NFIB: variants seen among roughly 807,000 people sequenced by gnomAD.
NFIB encodes the protein nuclear factor I B.
In NFIB, 11 loss-of-function variants were observed where a neutral mutation model predicts 61.5. That is an observed-to-expected ratio of 0.18 (90% CI 0.11 to 0.30). The LOEUF is 0.30. NFIB is among the 10% of genes least tolerant of loss of function. NFIB has a pLI of 1.00. For synonymous variants in NFIB, 260 were observed against 216.5 expected (o/e 1.20, Z -1.76); for missense variants, 471 against 608.9 (o/e 0.77, Z 2.38).
chr9:14,479,580 T>G, the NFIB span, among the ~76,000 whole-genome samples: 18 of 152,294 alleles, frequency 1.2e-4, no homozygotes, highest in South Asian at 1.5e-3. Flanking sequence ...CTGAGTACTA[T>G]TTGGGGAATG....
chr9:14,313,867 G>A lies in NFIB; in HGVS notation c.-356C>T. 1.8e-6 allele frequency: 2 copies of A among 1,134,476 alleles called. No individual in the cohort carries two copies. The highest frequency in any genetic ancestry group is 6.3e-5 in the South Asian group (2 of 31,880). The allele number at this position is 1,134,476 out of a possible 1,614,324, so 70.3% of individuals were successfully genotyped here. A position where few individuals can be genotyped will look rare whatever the true frequency, so the allele number is the denominator to read the frequency against. ...ATTTTGCAGTTGTTGTTGTTGTTGG[G>A]GTGTAGGGGGTGCGCGAAGGTTCGG... On this transcript the variant is annotated 5_prime_UTR_variant, in exon 1 of 11. Coordinates refer to ENST00000380953, the MANE Select transcript of NFIB (RefSeq NM_001190737.2). The surrounding 1 kb of genome is among the most constrained non-coding windows in gnomAD (Gnocchi z 4.5).
the NFIB span, among the ~76,000 whole-genome samples, chr9:14,526,296 A>G: frequency 6.6e-6 from 1 of 152,202 alleles, no homozygotes; most frequent in South Asian, 2.1e-4. Context: ...AAAGCTGTTT[A>G]TTACATGATA....
chr9:14,278,941 A>T (rs1251517625), intron 2 of NFIB, among the ~76,000 whole-genome samples: 2 of 152,232 alleles, frequency 1.3e-5, no homozygotes, highest in African/African-American at 4.8e-5. Flanking sequence ...AGTCCACAAT[A>T]GGTTCAATAC....
the NFIB span, among the ~76,000 whole-genome samples, chr9:14,428,905 C>A: frequency 6.6e-6 from 1 of 152,066 alleles, no homozygotes; most frequent in African/African-American, 2.4e-5. Flanking sequence ...AAGAAAAAAA[C>A]AGAAAGAAAG....
At chr9:14,423,723 T>C in the NFIB span, among the ~76,000 whole-genome samples, 1 of 152,362 alleles carries the variant, frequency 6.6e-6, no homozygotes, top group East Asian at 1.9e-4. Flanking sequence ...GCAAAGTAGT[T>C]TGGCCAGAAC....
chr9:14,373,191 G>A (rs1445579566), intron 1 of NFIB, among the ~76,000 whole-genome samples: 1 of 152,186 alleles, frequency 6.6e-6, no homozygotes, highest in Non-Finnish European at 1.5e-5. Flanking sequence ...ACAGATTTCT[G>A]TAAAGGGTTA....
At chr9:14,191,070 G>C (rs1389931415) in intron 2 of NFIB, among the ~76,000 whole-genome samples, 1 of 151,226 alleles carries the variant, frequency 6.6e-6, no homozygotes, top group Non-Finnish European at 1.5e-5. Flanking sequence ...GTGGGTGCCT[G>C]TAGTCCCAGC....
the NFIB span, among the ~76,000 whole-genome samples, chr9:14,474,051 A>G: frequency 6.6e-6 from 1 of 152,224 alleles, no homozygotes; most frequent in African/African-American, 2.4e-5. Context: ...CAAGGATTTT[A>G]TCAGACATAT....
rs1368602197 is a variant in NFIB, at chr9:14,087,998, T to C, written c.*311A>G. ...GCTGCGATCTACCATCAGTGAAATA[T>C]CATCGACCCTTTTTATGTCATTACA... On this transcript the variant is annotated 3_prime_UTR_variant, in exon 11 of 11. Coordinates refer to ENST00000380953, the MANE Select transcript of NFIB (RefSeq NM_001190737.2). 8.3e-6 allele frequency: 3 copies of C among 361,552 alleles called. No homozygotes were observed. Among genetic ancestry groups the C allele is most frequent in the East Asian group, 9.2e-5 (2 of 21,682 alleles). 22.4% of individuals were successfully genotyped at this position (361,552 alleles called of 1,614,324 possible). A position where few individuals can be genotyped will look rare whatever the true frequency, so the allele number is the denominator to read the frequency against.
At chr9:14,088,439 C>T (rs1459213806) in intron 10 of NFIB, 113 bp from the exon 11 acceptor site, 3 of 1,153,962 alleles carry the variant, frequency 2.6e-6, no homozygotes, top group Non-Finnish European at 2.2e-6. Flanking sequence ...TATTGCTATC[C>T]CTATTTTCAA....
chr9:14,444,608 C>T, the NFIB span, among the ~76,000 whole-genome samples: 49 of 152,184 alleles, frequency 3.2e-4, no homozygotes, highest in Middle Eastern at 0.014. Flanking sequence ...AGAAATGTAT[C>T]GGGGGAAAAG....
At chr9:14,114,039 G>T (rs2037777615) in intron 9 of NFIB, among the ~76,000 whole-genome samples, 1 of 152,130 alleles carries the variant, frequency 6.6e-6, no homozygotes, top group African/African-American at 2.4e-5. Context: ...TCTGAAGAAA[G>T]CTACACTGTT....
In NFIB at chr9:14,105,777, C is replaced by T. The variant is rs1295606972; in HGVS notation, c.1467+7222G>A. On this transcript the variant is annotated intron_variant, in intron 10 of 10. Transcript: ENST00000380953. ...TCTATATATTAAAAGGTTAATACTA[C>T]ATGTATTTAAGCTTCTTTTGGGGTC... 3.9e-5 allele frequency among the ~76,000 whole-genome samples: 6 copies of T among 152,120 alleles called. No individual in the cohort carries two copies. The East Asian group carries it at 9.6e-4, about 24-fold the overall frequency.
chr9:14,243,233 CTTTA>C (rs2054533260), intron 2 of NFIB, among the ~76,000 whole-genome samples: 1 of 152,002 alleles, frequency 6.6e-6, no homozygotes, highest in Non-Finnish European at 1.5e-5. Flanking sequence ...CCAGAGGTTT[CTTTA>C]TTGTTTTACT....
chr9:14,376,009 C>A (rs1020212165), intron 1 of NFIB, among the ~76,000 whole-genome samples: 1 of 152,186 alleles, frequency 6.6e-6, no homozygotes, highest in South Asian at 2.1e-4. Context: ...TAAATACTTT[C>A]ACACATCACT....
intron 1 of NFIB, among the ~76,000 whole-genome samples, chr9:14,332,058 T>G (rs996837962): frequency 2.0e-5 from 3 of 152,042 alleles, no homozygotes; most frequent in Admixed American, 2.0e-4. Flanking sequence ...GGAAGCCAGG[T>G]GGGGTGGCTC....
At chr9:14,225,030 T>A (rs927579718) in intron 2 of NFIB, among the ~76,000 whole-genome samples, 8 of 152,154 alleles carry the variant, frequency 5.3e-5, no homozygotes, top group Non-Finnish European at 1.2e-4. Flanking sequence ...GGCTTATTCA[T>A]CCTACAAAAC....
chr9:14,195,327 T>C (rs928118459), intron 2 of NFIB, among the ~76,000 whole-genome samples: 2 of 152,152 alleles, frequency 1.3e-5, no homozygotes, highest in Non-Finnish European at 2.9e-5. Flanking sequence ...GTGGTGCTTT[T>C]AGGAAATAAT....
At chr9:14,150,930 GA>G (rs1295267292) in intron 4 of NFIB, among the ~76,000 whole-genome samples, 1 of 151,992 alleles carries the variant, frequency 6.6e-6, no homozygotes, top group African/African-American at 2.4e-5. Context: ...AATATCTCAT[GA>G]TATTTTGTAT....
Sources: gnomAD v4.1 joint callset for allele counts (sites outside exome capture counted in the v4.1 genomes callset) on GRCh38, gnomAD v4.1.1 for gene constraint, Gnocchi (gnomAD v3.1) non-coding constraint, MANE v1.5 for transcripts, NCBI Gene and HGNC (gene_info 2026-07-23, HGNC 2026-07-21) for gene names.